Variants in PABPC4L observed in about 807,000 individuals in gnomAD.
The protein encoded by PABPC4L is polyadenylate-binding protein 4-like.
For missense variants in PABPC4L, 452 were observed against 451.4 expected (o/e 1.00, Z -0.01); for synonymous variants, 169 against 164.1 (o/e 1.03, Z -0.23).
downstream of PABPC4L, among the ~76,000 whole-genome samples, chr4:134,193,499 T>C (rs2126194858): frequency 6.6e-6 from 1 of 152,124 alleles, no homozygotes; most frequent in Non-Finnish European, 1.5e-5. Context: ...AAAAAAGGTA[T>C]CAGTTTTTGT....
the PABPC4L span, among the ~76,000 whole-genome samples, chr4:134,155,603 T>G: frequency 6.6e-6 from 1 of 152,038 alleles, no homozygotes. Flanking sequence ...TTGAAATAAA[T>G]GTACTGTTCC....
the PABPC4L span, among the ~76,000 whole-genome samples, chr4:134,004,081 G>A: frequency 5.3e-3 from 809 of 151,862 alleles, 7 homozygotes; most frequent in African/African-American, 0.016. Flanking sequence ...ACTGGTTTAC[G>A]CAATGATTTT....
At chr4:134,120,246 A>G in the PABPC4L span, among the ~76,000 whole-genome samples, 1 of 124,428 alleles carries the variant, frequency 8.0e-6, no homozygotes, top group Non-Finnish European at 1.6e-5. Context: ...TTGGTATTGC[A>G]TTTTTGTTCT....
chr4:134,154,965 T>G, the PABPC4L span, among the ~76,000 whole-genome samples: 1 of 152,052 alleles, frequency 6.6e-6, no homozygotes, highest in Non-Finnish European at 1.5e-5. Flanking sequence ...TAGATGTTTT[T>G]TCTTTATATA....
chr4:133,991,397 C>T, the PABPC4L span, among the ~76,000 whole-genome samples: 1 of 152,162 alleles, frequency 6.6e-6, no homozygotes, highest in Non-Finnish European at 1.5e-5. Context: ...AGAGGTGACA[C>T]AGATATGCTT....
the PABPC4L span, among the ~76,000 whole-genome samples, chr4:133,986,824 C>A: frequency 6.6e-6 from 1 of 151,738 alleles, no homozygotes; most frequent in African/African-American, 2.4e-5. Flanking sequence ...CAACCTCTGA[C>A]TCCTGGGTTC....
At chr4:134,108,313 G>A in the PABPC4L span, among the ~76,000 whole-genome samples, 1 of 151,678 alleles carries the variant, frequency 6.6e-6, no homozygotes, top group East Asian at 1.9e-4. Context: ...TTCTAATTTT[G>A]TGTTGTATTG....
At chr4:133,988,281 A>G in the PABPC4L span, among the ~76,000 whole-genome samples, 1 of 152,222 alleles carries the variant, frequency 6.6e-6, no homozygotes. Context: ...GCATTAATTG[A>G]AAATATCAAG....
At chr4:134,043,687 A>G in the PABPC4L span, among the ~76,000 whole-genome samples, 1 of 152,100 alleles carries the variant, frequency 6.6e-6, no homozygotes, top group Non-Finnish European at 1.5e-5. Context: ...GAAAAAACAA[A>G]ATACATCAGA....
chr4:134,036,891 AC>A, the PABPC4L span, among the ~76,000 whole-genome samples: 28 of 152,078 alleles, frequency 1.8e-4, no homozygotes, highest in African/African-American at 6.5e-4. Context: ...CATTGTTTCT[AC>A]TAAAAATGCA....
chr4:134,201,363 C>G (rs950340720), intron 1 of PABPC4L, 118 bp from the exon 2 acceptor site: 3 of 1,138,830 alleles, frequency 2.6e-6, no homozygotes, highest in Non-Finnish European at 3.4e-6. Flanking sequence ...ACGCCCTGGT[C>G]GCTGGTTTCT....
the PABPC4L span, among the ~76,000 whole-genome samples, chr4:134,031,998 T>G: frequency 0.011 from 1,666 of 151,944 alleles, 13 homozygotes; most frequent in Non-Finnish European, 0.017. Context: ...TCTAACCAAA[T>G]GTTTATTCAT....
At chr4:134,130,543 T>C in the PABPC4L span, among the ~76,000 whole-genome samples, 2 of 151,954 alleles carry the variant, frequency 1.3e-5, no homozygotes. Flanking sequence ...ATTAAAAATT[T>C]GCCAAGTAAA....
chr4:133,953,519 A>G, the PABPC4L span, among the ~76,000 whole-genome samples: 1 of 152,166 alleles, frequency 6.6e-6, no homozygotes, highest in Non-Finnish European at 1.5e-5. Context: ...TTTGTATCTA[A>G]TCTTGAACAT....
At chr4:134,066,168 T>C in the PABPC4L span, among the ~76,000 whole-genome samples, 1 of 151,972 alleles carries the variant, frequency 6.6e-6, no homozygotes, top group African/African-American at 2.4e-5. Flanking sequence ...GATGGGAAAG[T>C]ATTGAATCTC....
chr4:134,007,307 T>C, the PABPC4L span, among the ~76,000 whole-genome samples: 2 of 151,866 alleles, frequency 1.3e-5, no homozygotes, highest in East Asian at 3.9e-4. Context: ...GGATTAAAGA[T>C]GGCATTTTGT....
the PABPC4L span, among the ~76,000 whole-genome samples, chr4:134,086,609 G>C: frequency 6.6e-6 from 1 of 151,906 alleles, no homozygotes; most frequent in African/African-American, 2.4e-5. Flanking sequence ...ATTGTAGCAG[G>C]GAGATAGTTC....
the PABPC4L span, among the ~76,000 whole-genome samples, chr4:134,055,864 C>T: frequency 6.6e-6 from 1 of 151,876 alleles, no homozygotes; most frequent in African/African-American, 2.4e-5. Context: ...ATGGACCATG[C>T]TTTCAGTGTC....
chr4:134,049,443 A>G, the PABPC4L span, among the ~76,000 whole-genome samples: 1 of 152,296 alleles, frequency 6.6e-6, no homozygotes, highest in East Asian at 1.9e-4. Flanking sequence ...CTATAGGCCA[A>G]CATTATAACT....
Sources: gnomAD v4.1 joint callset for allele counts (sites outside exome capture counted in the v4.1 genomes callset) on GRCh38, gnomAD v4.1.1 for gene constraint, MANE v1.5 for transcripts, NCBI Gene and HGNC (gene_info 2026-07-23, HGNC 2026-07-21) for gene names.